Variants in UBAP2 observed in about 807,000 individuals in gnomAD.
UBAP2 encodes the protein ubiquitin associated protein 2, also known as ubiquitin-associated protein 2.
A neutral mutation model predicts 139.6 loss-of-function variants in UBAP2; 75 were observed. The ratio of observed to expected loss-of-function variants is 0.54; its 90% CI spans 0.45 to 0.65. The LOEUF (loss-of-function observed/expected upper bound fraction) is 0.65. UBAP2 is among the 30% of genes least tolerant of loss of function. UBAP2 has a pLI of 0.00. For missense variants in UBAP2, 1,368 were observed against 1,369.6 expected, an observed-to-expected ratio of 1.00 and a Z score of 0.02; for synonymous variants, 526 against 526.2, an observed-to-expected ratio of 1.00 and a Z score of 0.01.
Position 33,973,209 on chromosome 9 carries a change from T to G in UBAP2, c.549A>C (p.Ala183=). The change falls in exon 7 of 29, where the codon GCA becomes GCC. Residue 183 remains alanine, a synonymous_variant. Coordinates refer to ENST00000379238, the MANE Select transcript of UBAP2 (RefSeq NM_001370062.2). ...CCATGCCTTGGGTTGAGAACCTTCC[T>G]GCCCCTCTCCCTCTGCCACGTCCAA... The part of the protein sequence containing the change: ...RGFGRGRGRG[A]GRFSTQGMGT... 1 of 1,614,052 alleles carries G rather than the reference T, an allele frequency of 6.2e-7. No individual in the cohort carries two copies. The highest frequency in any genetic ancestry group is 8.5e-7 in the Non-Finnish European group (1 of 1,179,972).
intron 7 of UBAP2, among the ~76,000 whole-genome samples, chr9:33,972,584 A>G (rs1439102136): frequency 6.6e-6 from 1 of 152,212 alleles, no homozygotes; most frequent in Admixed American, 6.5e-5. Context: ...TATGGCTTCC[A>G]CAGGATGTTT....
intron 2 of UBAP2, among the ~76,000 whole-genome samples, chr9:34,000,027 A>G (rs1822566474): frequency 6.6e-6 from 1 of 151,944 alleles, no homozygotes; most frequent in Non-Finnish European, 1.5e-5. Flanking sequence ...GGCTCACTGC[A>G]ACCTCTGCCG....
chr9:34,033,876 C>G (rs1826098682), intron 1 of UBAP2, among the ~76,000 whole-genome samples: 1 of 151,922 alleles, frequency 6.6e-6, no homozygotes, highest in Non-Finnish European at 1.5e-5. Context: ...GCTGGGATTA[C>G]AGGCACCCAC....
intron 6 of UBAP2, among the ~76,000 whole-genome samples, chr9:33,979,677 T>C (rs1011284150): frequency 2.0e-5 from 3 of 152,026 alleles, no homozygotes; most frequent in African/African-American, 7.2e-5. Context: ...GGTCAAGAGA[T>C]TGAGACCATC....
chr9:33,976,134 G>A (rs1828325361), intron 6 of UBAP2, among the ~76,000 whole-genome samples: 1 of 152,122 alleles, frequency 6.6e-6, no homozygotes, highest in South Asian at 2.1e-4. Context: ...TTACAAGAAT[G>A]TTAAGAAATT....
At chr9:33,961,856 A>T (rs1231357525) in intron 9 of UBAP2, among the ~76,000 whole-genome samples, 1 of 152,214 alleles carries the variant, frequency 6.6e-6, no homozygotes, top group Non-Finnish European at 1.5e-5. Context: ...ACCTCCTCAT[A>T]AGTAAAATGA....
intron 1 of UBAP2, among the ~76,000 whole-genome samples, chr9:34,035,514 A>AAAAAAAAAAAATATATATATATATAT: frequency 1.3e-4 from 3 of 22,490 alleles, no homozygotes; most frequent in East Asian, 1.8e-3. Flanking sequence ...AAAAAAAAAA[A>AAAAAAAAAAAATATATATATATATAT]ATATATATAT....
At chr9:34,024,931 C>A (rs1587680015) in intron 1 of UBAP2, among the ~76,000 whole-genome samples, 1 of 151,924 alleles carries the variant, frequency 6.6e-6, no homozygotes, top group East Asian at 1.9e-4. Flanking sequence ...TTGCAGTGAA[C>A]CGAGATCATG....
intron 1 of UBAP2, among the ~76,000 whole-genome samples, chr9:34,039,790 C>G (rs926117348): frequency 7.1e-6 from 1 of 140,772 alleles, no homozygotes; most frequent in African/African-American, 2.6e-5. Flanking sequence ...CACTATTGTC[C>G]TATGACCCTG....
chr9:33,941,696 A>G lies in UBAP2; in HGVS notation c.1882T>C (p.Tyr628His), dbSNP rs1324399471. ...DQSSVHNRIP[Y>H]QSPVSSSESA... ...TCTGATGAACTCACAGGGCTTTGGT[A>G]TGGGATCCTGTTATGCACAGAACTC... The change falls in exon 16 of 29, where the codon TAC (tyrosine) becomes CAC (histidine). Residue 628 changes from tyrosine to histidine, a missense_variant. Transcript: ENST00000379238. The G allele has an allele frequency of 1.9e-6, 3 of 1,614,060 alleles. No homozygotes were observed. Among genetic ancestry groups the G allele is most frequent in the African/African-American group, 1.3e-5 (1 of 74,926 alleles).
intron 8 of UBAP2, 102 bp downstream of exon 8, chr9:33,971,549 C>T: frequency 2.7e-6 from 2 of 747,546 alleles, no homozygotes; most frequent in South Asian, 1.6e-5. Flanking sequence ...GTTTTTCATT[C>T]TTTTCCATCA....
chr9:34,017,435 C>T (rs1431016564), intron 1 of UBAP2, among the ~76,000 whole-genome samples: 3 of 152,144 alleles, frequency 2.0e-5, no homozygotes, highest in Admixed American at 6.6e-5. Flanking sequence ...CAATTTTAAC[C>T]AGCAACCATT....
At chr9:33,937,441 T>A (rs1824652728) in intron 16 of UBAP2, among the ~76,000 whole-genome samples, 1 of 151,716 alleles carries the variant, frequency 6.6e-6, no homozygotes, top group African/African-American at 2.4e-5. Context: ...ACCCCACCTA[T>A]ACTAAAACTA....
chr9:33,936,749 C>A (rs1824559840), intron 16 of UBAP2, among the ~76,000 whole-genome samples: 1 of 151,896 alleles, frequency 6.6e-6, no homozygotes, highest in African/African-American at 2.4e-5. Context: ...AAGTTTTATG[C>A]CAGTAAATTA....
chr9:34,024,673 G>T (rs549950538), intron 1 of UBAP2, among the ~76,000 whole-genome samples: 1 of 152,004 alleles, frequency 6.6e-6, no homozygotes, highest in Non-Finnish European at 1.5e-5. Flanking sequence ...AAATTTTCCC[G>T]TATTAATTTT....
rs763809318 is a variant in UBAP2, at chr9:34,017,152, C to T, written c.-4G>A. ...CACTGCTCACTGAAGTCATCATATA[C>T]AGTATATACAAAATAATGTATGTAC... On this transcript the variant is annotated 5_prime_UTR_variant, in exon 2 of 29. Coordinates refer to ENST00000379238, the MANE Select transcript of UBAP2 (RefSeq NM_001370062.2). The T allele has an allele frequency of 1.3e-6, 2 of 1,573,400 alleles. No homozygotes were observed. Among genetic ancestry groups the T allele is most frequent in the Non-Finnish European group, 1.7e-6 (2 of 1,164,424 alleles).
chr9:33,922,828 C>A lies in UBAP2; in HGVS notation c.3123G>T (p.Leu1041=). The stretch of plus-strand genomic sequence containing the variant: ...GCCCAGTGGAGCCCAAGACCGAGGG[C>A]AGGCTGAAAGGTGGAGGCGTCCCTG... ...FHAGTPPPFS[L]PSVLGSTGPL... Residue 1041 remains leucine, a synonymous_variant, in exon 28 of 29, where the codon CTG becomes CTT. Coordinates refer to ENST00000379238, the MANE Select transcript of UBAP2 (RefSeq NM_001370062.2). 1 of 1,575,226 alleles carries A rather than the reference C, an allele frequency of 6.3e-7. No homozygotes were observed. The highest frequency in any genetic ancestry group is 1.2e-5 in the South Asian group (1 of 84,470).
rs777145204 is a variant in UBAP2 at position 33,988,965 on chromosome 9, G to A, written c.442+8C>T. 6.2e-7 allele frequency: 1 copy of A among 1,607,944 alleles called. No individual in the cohort carries two copies. Among genetic ancestry groups the A allele is most frequent in the South Asian group, 1.1e-5 (1 of 89,916 alleles). ...AGAGAAAAAACTGAGGAGAAAGTCTGTACTTACATTCTCTGCCACGATTGC... is the reference window on the plus strand; with the variant it reads ...AGAGAAAAAACTGAGGAGAAAGTCTATACTTACATTCTCTGCCACGATTGC... On this transcript the variant is annotated splice_region_variant and intron_variant, in intron 5 of 28. Coordinates refer to ENST00000379238, the MANE Select transcript of UBAP2 (RefSeq NM_001370062.2).
chr9:33,924,305 T>C lies in UBAP2; in HGVS notation c.2512-21A>G, dbSNP rs892299081. ...TAGTCCTAGGAGAGACCAGGGAGGCTTGATCAGCGACTGGCCCTGCTTGAC... is the reference window on the plus strand; with the variant it reads ...TAGTCCTAGGAGAGACCAGGGAGGCCTGATCAGCGACTGGCCCTGCTTGAC... On this transcript the variant is annotated intron_variant, in intron 22 of 28. Transcript: ENST00000379238. The C allele has an allele frequency of 3.7e-6, 6 of 1,607,620 alleles. No individual in the cohort carries two copies. In the African/African-American group the frequency reaches 4.0e-5, roughly 11 times the overall value.
Sources: allele counts gnomAD v4.1 joint callset (sites outside exome capture counted in the v4.1 genomes callset), GRCh38; gene constraint gnomAD v4.1.1; transcripts MANE v1.5; gene names NCBI Gene and HGNC (gene_info 2026-07-23, HGNC 2026-07-21).